Variants in FAM107A observed in about 807,000 individuals in gnomAD.
The protein encoded by FAM107A is family with sequence similarity 107 member A.
In FAM107A, 19 loss-of-function variants were observed where a neutral mutation model predicts 13.7. That is an observed-to-expected ratio of 1.38 (90% CI 0.97 to 2.03). The LOEUF is 2.03. FAM107A is among the 30% of genes most tolerant of loss of function. FAM107A has a pLI of 0.00. For missense variants in FAM107A, 203 were observed against 184.4 expected (o/e 1.10, Z -0.58); for synonymous variants, 82 against 74.5 (o/e 1.10, Z -0.52).
At chr3:58,586,693 G>A (rs2065609489) in intron 1 of FAM107A, among the ~76,000 whole-genome samples, 1 of 152,222 alleles carries the variant, frequency 6.6e-6, no homozygotes, top group African/African-American at 2.4e-5. Flanking sequence ...ATGAGACCCT[G>A]TCACAAACAA....
intron 1 of FAM107A, chr3:58,586,745 A>T: frequency 9.1e-7 from 1 of 1,099,320 alleles, no homozygotes; most frequent in Non-Finnish European, 1.2e-6. Flanking sequence ...GGAAAGAAGC[A>T]GAGCAACGAA....
upstream of FAM107A, among the ~76,000 whole-genome samples, chr3:58,587,332 G>A (rs1020377601): frequency 2.0e-5 from 3 of 152,198 alleles, no homozygotes; most frequent in Admixed American, 6.5e-5. Flanking sequence ...CCATACCTGG[G>A]ATCAGGTCCC....
At chr3:58,585,504 A>G (rs1330813583) in intron 1 of FAM107A, among the ~76,000 whole-genome samples, 1 of 152,248 alleles carries the variant, frequency 6.6e-6, no homozygotes, top group Admixed American at 6.5e-5. Flanking sequence ...TTAAGCGGGA[A>G]GGGCGAGCAG....
chr3:58,597,462 TA>T (rs2065717569), intron 1 of FAM107A, among the ~76,000 whole-genome samples: 1 of 152,206 alleles, frequency 6.6e-6, no homozygotes, highest in Non-Finnish European at 1.5e-5. Flanking sequence ...TATTTGTCCT[TA>T]AAATCTGGAG....
chr3:58,598,727 C>A (rs749216005), intron 1 of FAM107A, among the ~76,000 whole-genome samples: 1 of 152,202 alleles, frequency 6.6e-6, no homozygotes, highest in Non-Finnish European at 1.5e-5. Context: ...TGAGTCATCA[C>A]TCTTTTTGAT....
chr3:58,618,177 G>A (rs1161440412), intron 1 of FAM107A, among the ~76,000 whole-genome samples: 1 of 152,224 alleles, frequency 6.6e-6, no homozygotes, highest in Non-Finnish European at 1.5e-5. Flanking sequence ...CAGGTTGGCT[G>A]TGTTGTGCAA....
intron 1 of FAM107A, among the ~76,000 whole-genome samples, chr3:58,574,754 T>C (rs990300642): frequency 3.9e-5 from 6 of 152,156 alleles, no homozygotes; most frequent in Admixed American, 1.3e-4. Flanking sequence ...TGAGGAAAGA[T>C]TTGGAACCCC....
At chr3:58,625,399 A>G (rs2106647694) in intron 1 of FAM107A, among the ~76,000 whole-genome samples, 2 of 152,274 alleles carry the variant, frequency 1.3e-5, no homozygotes, top group Middle Eastern at 6.8e-3. Flanking sequence ...TTCTTTCTTG[A>G]TAAGAGATCA....
In FAM107A at chr3:58,626,964, T is replaced by C. The variant is rs2066024185; in HGVS notation, c.-70+452A>G. The stretch of plus-strand genomic sequence containing the variant: ...AGGGCCCCAACAGGACACTTAGAGG[T>C]TCCTACCTTCTTCCCCTGGGCTGCT... On this transcript the variant is annotated intron_variant, in intron 1 of 3. Transcript: ENST00000465970. The C allele has an allele frequency of 2.0e-6, 3 of 1,535,724 alleles. No individual in the cohort carries two copies. In the Admixed American group the frequency reaches 5.9e-5, roughly 30 times the overall value.
At chr3:58,599,577 G>T in intron 1 of FAM107A, among the ~76,000 whole-genome samples, 1 of 152,122 alleles carries the variant, frequency 6.6e-6, no homozygotes. Context: ...TGGATGGGAA[G>T]GGGCAGGAGG....
At chr3:58,588,720 T>A (rs966458900), upstream of FAM107A, among the ~76,000 whole-genome samples, 2 of 152,196 alleles carry the variant, frequency 1.3e-5, no homozygotes, top group Non-Finnish European at 2.9e-5. Flanking sequence ...TCTTTCTTTA[T>A]TTTTTTATGG....
chr3:58,571,112 T>A (rs1359596232), intron 1 of FAM107A, among the ~76,000 whole-genome samples: 2 of 152,256 alleles, frequency 1.3e-5, no homozygotes, highest in South Asian at 2.1e-4. Flanking sequence ...GCAAACAGCT[T>A]ATTGGGGTCA....
upstream of FAM107A, chr3:58,589,073 G>T (rs1575447960): frequency 7.8e-6 from 5 of 641,986 alleles, no homozygotes; most frequent in African/African-American, 1.8e-5. Context: ...AACTTATGCT[G>T]CAAGGGAGAA....
At chr3:58,588,958 T>C (rs2065632954), upstream of FAM107A, among the ~76,000 whole-genome samples, 1 of 152,196 alleles carries the variant, frequency 6.6e-6, no homozygotes. Flanking sequence ...CCTCAAGTGA[T>C]GGTTATGCCC....
At chr3:58,596,678 C>CA (rs34782813) in intron 1 of FAM107A, among the ~76,000 whole-genome samples, 54,269 of 133,938 alleles carry the variant, frequency 0.41, 10,950 homozygotes, top group East Asian at 0.63. Flanking sequence ...GACTCGGTCT[C>CA]AAAAAAAAAA....
intron 1 of FAM107A, among the ~76,000 whole-genome samples, chr3:58,602,489 A>T (rs1266787957): frequency 7.2e-5 from 11 of 152,166 alleles, no homozygotes; most frequent in Admixed American, 7.2e-4. Context: ...TTTCACAAAG[A>T]TATATGGTCA....
chr3:58,600,740 A>G (rs1235181525), intron 1 of FAM107A, among the ~76,000 whole-genome samples: 1 of 152,206 alleles, frequency 6.6e-6, no homozygotes, highest in Non-Finnish European at 1.5e-5. Context: ...AATTAAGTGG[A>G]CTGCTTTGGA....
chr3:58,574,880 C>T (rs532053375), intron 1 of FAM107A, among the ~76,000 whole-genome samples: 1 of 152,286 alleles, frequency 6.6e-6, no homozygotes, highest in African/African-American at 2.4e-5. Context: ...ATCACTGCTG[C>T]TCCCACGGAG....
chr3:58,587,336 A>T (rs1441534280), upstream of FAM107A, among the ~76,000 whole-genome samples: 1 of 152,234 alleles, frequency 6.6e-6, no homozygotes, highest in African/African-American at 2.4e-5. Context: ...ACCTGGGATC[A>T]GGTCCCACCA....
Sources: gnomAD v4.1 joint callset for allele counts (sites outside exome capture counted in the v4.1 genomes callset) on GRCh38, gnomAD v4.1.1 for gene constraint, MANE v1.5 for transcripts, NCBI Gene and HGNC (gene_info 2026-07-23, HGNC 2026-07-21) for gene names.